Variants in ZNFX1 observed in about 807,000 individuals in gnomAD.
The protein encoded by ZNFX1 is zinc finger NFX1-type containing 1, also known as NFX1-type zinc finger-containing protein 1.
In ZNFX1, 78 loss-of-function variants were observed where a neutral mutation model predicts 179.8. That is an observed-to-expected ratio of 0.43 (90% CI 0.36 to 0.52). The LOEUF is 0.52. ZNFX1 is among the 20% of genes least tolerant of loss of function. The pLI is 0.00. For synonymous variants in ZNFX1, 848 were observed against 868.5 expected (o/e 0.98, Z 0.42); for missense variants, 1,927 against 2,386.6 (o/e 0.81, Z 4.01).
chr20:49,253,477 G>A (rs1016463835), intron 11 of ZNFX1, among the ~76,000 whole-genome samples, 189 bp downstream of exon 11: 3 of 152,168 alleles, frequency 2.0e-5, no homozygotes, highest in African/African-American at 7.2e-5. Flanking sequence ...AATAAATGAC[G>A]TTGCCACTAA....
In ZNFX1 at chr20:49,271,237, C is replaced by T. The variant is rs532898978; in HGVS notation, c.575G>A (p.Arg192Gln). Residue 192 changes from arginine to glutamine, a missense_variant, in exon 3 of 14, where the codon CGG (arginine) becomes CAG (glutamine). Coordinates refer to ENST00000396105, the MANE Select transcript of ZNFX1 (RefSeq NM_021035.3). ...ATCCATTTTGGAGCTACAAGCCTTC[C>T]GAAGAACCTGACAGATGAGCTCAAG... ...NFLELICQVL[R>Q]KACSSKMDRQ... 26 of 1,613,954 alleles carry T rather than the reference C, an allele frequency of 1.6e-5. No individual in the cohort carries two copies. In the Admixed American group the frequency reaches 2.2e-4, roughly 13 times the overall value.
chr20:49,246,860 C>G lies in ZNFX1; in HGVS notation c.*407G>C. 2.3e-6 allele frequency: 1 copy of G among 427,690 alleles called. No individual in the cohort carries two copies. Among genetic ancestry groups the G allele is most frequent in the Non-Finnish European group, 4.6e-6 (1 of 216,840 alleles). 26.5% of individuals were successfully genotyped at this position (427,690 alleles called of 1,614,324 possible). ...GTGGATCCTTAAGTAGGTGCTAAGACTAAAAAGAATGATTTTTTTTTTTTT... is the reference window on the plus strand; with the variant it reads ...GTGGATCCTTAAGTAGGTGCTAAGAGTAAAAAGAATGATTTTTTTTTTTTT... On this transcript the variant is annotated 3_prime_UTR_variant, in exon 14 of 14. Coordinates refer to ENST00000396105, the MANE Select transcript of ZNFX1 (RefSeq NM_021035.3).
chr20:49,255,666 T>C (rs1488711509), intron 9 of ZNFX1, 142 bp downstream of exon 9: 10 of 903,952 alleles, frequency 1.1e-5, no homozygotes, highest in Middle Eastern at 2.5e-4. Flanking sequence ...TTCTATCCCA[T>C]GGCTGTATCC....
intron 3 of ZNFX1, among the ~76,000 whole-genome samples, chr20:49,266,864 CATTA>C (rs1206194371): frequency 1.3e-5 from 2 of 151,896 alleles, no homozygotes; most frequent in East Asian, 1.9e-4. Flanking sequence ...AGTAAATGGC[CATTA>C]ATTAATTAAT....
intron 7 of ZNFX1, among the ~76,000 whole-genome samples, chr20:49,259,121 AATAAAT>A (rs747828111): frequency 1.9e-4 from 28 of 146,274 alleles, no homozygotes; most frequent in South Asian, 2.1e-4. Context: ...AAAAAAAATA[AATAAAT>A]AAATAAATAA....
chr20:49,277,456 TGTA>T (rs1189943308), intron 1 of ZNFX1, among the ~76,000 whole-genome samples: 2 of 130,318 alleles, frequency 1.5e-5, no homozygotes, highest in Non-Finnish European at 3.2e-5. Context: ...CGAGGTGCTC[TGTA>T]GAAGAGGGGG....
At chr20:49,276,601 G>A (rs1385097294) in intron 1 of ZNFX1, among the ~76,000 whole-genome samples, 1 of 152,228 alleles carries the variant, frequency 6.6e-6, no homozygotes, top group East Asian at 1.9e-4. Context: ...GGTCCTGTAA[G>A]AGGAAGAGGA....
rs777102939 is a variant in ZNFX1, at chr20:49,248,817, T to C, written c.4207A>G (p.Thr1403Ala). ...DCVQLCSEMVTIKLKCGHSQP... is the reference protein window; with the variant it reads ...DCVQLCSEMVAIKLKCGHSQP... ...CTGTGCCCACACTTGAGTTTTATGG[T>C]GACCATTTCTGAACACAGCTGCACA... The change falls in exon 14 of 14, where the codon ACC becomes GCC. Residue 1403 changes from threonine (T) to alanine (A), a missense_variant. Thr to Ala is a moderately conservative substitution (Grantham distance 58). Transcript: ENST00000396105. This position sits in a 1 kb window ranked among gnomAD's most constrained non-coding sequence, Gnocchi z 4.6. 6.2e-7 allele frequency: 1 copy of C among 1,613,272 alleles called. No homozygotes were observed. The highest frequency in any genetic ancestry group is 1.3e-5 in the African/African-American group (1 of 74,922).
chr20:49,266,262 T>C lies in ZNFX1; in HGVS notation c.1875A>G (p.Lys625=). 6.3e-7 allele frequency: 1 copy of C among 1,587,882 alleles called. No homozygotes were observed. The highest frequency in any genetic ancestry group is 8.5e-7 in the Non-Finnish European group (1 of 1,170,766). Residue 625 remains lysine (K), a synonymous_variant, in exon 4 of 14, where the codon AAA becomes AAG. Coordinates refer to ENST00000396105, the MANE Select transcript of ZNFX1 (RefSeq NM_021035.3). ...AIIQGPPGTG[K]TYVGLKIVQA... ...GAACAATTTTTAGACCCACATAGGT[T>C]TTGCCTAGAAAATAAGGAAAAAGGA...
chr20:49,267,006 C>G lies in ZNFX1; in HGVS notation c.1871-740G>C, dbSNP rs1358858680. 3.3e-5 allele frequency among the ~76,000 whole-genome samples: 5 copies of G among 152,298 alleles called. No homozygotes were observed. The South Asian group carries it at 6.2e-4, about 19-fold the overall frequency. On this transcript the variant is annotated intron_variant, in intron 3 of 13. Transcript: ENST00000396105. ...CTGCCTCCCGGGTTCAAGTGATTCT[C>G]CTGCCTCAGCCTCCCAAGTAGCTGG...
chr20:49,270,008 G>C lies in ZNFX1; in HGVS notation c.1804C>G (p.Gln602Glu). 12 of 1,614,140 alleles carry C rather than the reference G, an allele frequency of 7.4e-6. 1 individual carries two copies. Among genetic ancestry groups the C allele is most frequent in the Non-Finnish European group, 1.0e-5 (12 of 1,180,008 alleles). ...AGAGCAAACTGCAAGGCTTCCATCTGGGAGTCATCCAGCTTCAGGGCTTCT... is the reference window on the plus strand; with the variant it reads ...AGAGCAAACTGCAAGGCTTCCATCTCGGAGTCATCCAGCTTCAGGGCTTCT... ...SKEALKLDDS[Q>E]MEALQFALTR... The change falls in exon 3 of 14, where the codon CAG becomes GAG. Residue 602 changes from glutamine (Q) to glutamate (E), a missense_variant. Coordinates refer to ENST00000396105, the MANE Select transcript of ZNFX1 (RefSeq NM_021035.3). This position sits in a 1 kb window ranked among gnomAD's most constrained non-coding sequence, Gnocchi z 4.6.
chr20:49,271,602 A>G lies in ZNFX1; in HGVS notation c.210T>C (p.Phe70=), dbSNP rs772191501. 6.2e-7 allele frequency: 1 copy of G among 1,613,978 alleles called. No individual in the cohort carries two copies. The highest frequency in any genetic ancestry group is 1.3e-5 in the African/African-American group (1 of 74,972). ...GATGTGGGTTCCTGCCCATGGCCCT[A>G]AATCTCTCTTCCCTCTGCCAGTAAG... ...PAAYWQREER[F]RAMGRNPHQG... Residue 70 remains phenylalanine (F), a synonymous_variant, in exon 3 of 14, where the codon TTT becomes TTC. Transcript: ENST00000396105.
chr20:49,275,949 C>G, intron 1 of ZNFX1, 62 bp from the exon 2 acceptor site: 1 of 1,032,568 alleles, frequency 9.7e-7, no homozygotes, highest in Non-Finnish European at 1.5e-6. Context: ...AACCCAAACA[C>G]CATCAAGCCA....
Position 49,246,924 on chromosome 20 carries a change from A to G in ZNFX1, c.*343T>C, listed in dbSNP as rs1193783575. 3 of 466,992 alleles carry G rather than the reference A, an allele frequency of 6.4e-6. No individual in the cohort carries two copies. In the Admixed American group the frequency reaches 7.1e-5, roughly 11 times the overall value. 28.9% of individuals were successfully genotyped at this position (466,992 alleles called of 1,614,324 possible). A position where few individuals can be genotyped will look rare whatever the true frequency, so the allele number is the denominator to read the frequency against. On this transcript the variant is annotated 3_prime_UTR_variant, in exon 14 of 14. Transcript: ENST00000396105. ...GCTCCTGTCGCCCAGACTGGAGTGC[A>G]ATGGCATGATCTCAGCTCACTGCAA...
At chr20:49,272,408 A>C (rs1256833537) in intron 2 of ZNFX1, among the ~76,000 whole-genome samples, 2 of 151,978 alleles carry the variant, frequency 1.3e-5, no homozygotes, top group Admixed American at 1.3e-4. Context: ...AACTCCTGAC[A>C]TTGTGATCCA....
chr20:49,268,127 A>C (rs1004111790), intron 3 of ZNFX1, among the ~76,000 whole-genome samples: 2 of 152,024 alleles, frequency 1.3e-5, no homozygotes, highest in African/African-American at 4.8e-5. Flanking sequence ...CACCCGCCTC[A>C]GCCTCCCAAA....
Position 49,270,040 on chromosome 20 carries a change from G to A in ZNFX1, c.1772C>T (p.Pro591Leu). ...ATCCAGCTTCAGGGCTTCTTTTGAG[G>A]GCCACTGGCCAGGATCTAAGACATT... ...RINVLDPGQW[P>L]SKEALKLDDS... Residue 591 changes from proline (P) to leucine (L), a missense_variant, in exon 3 of 14, where the codon CCC becomes CTC. Physicochemically the swap from Pro to Leu is moderately conservative, Grantham distance 98. Coordinates refer to ENST00000396105, the MANE Select transcript of ZNFX1 (RefSeq NM_021035.3). This position sits in a 1 kb window ranked among gnomAD's most constrained non-coding sequence, Gnocchi z 4.6. 2 of 1,614,146 alleles carry A rather than the reference G, an allele frequency of 1.2e-6. No homozygotes were observed. The highest frequency in any genetic ancestry group is 1.7e-6 in the Non-Finnish European group (2 of 1,180,012).
rs1980792676 is a variant in ZNFX1 at position 49,249,783 on chromosome 20, T to G, written c.3313-72A>C. Reference sequence around the variant, plus strand: ...TTGTTTTTTTCTTCCTCTCTTGACATGCACTGGCCACTTACTCTGCTCCAG... The same window carrying G: ...TTGTTTTTTTCTTCCTCTCTTGACAGGCACTGGCCACTTACTCTGCTCCAG... On this transcript the variant is annotated intron_variant, in intron 13 of 13. Coordinates refer to ENST00000396105, the MANE Select transcript of ZNFX1 (RefSeq NM_021035.3). 2.0e-6 allele frequency: 3 copies of G among 1,504,398 alleles called. No homozygotes were observed. The African/African-American group carries it at 4.2e-5, about 21-fold the overall frequency. 93.2% of individuals were successfully genotyped at this position (1,504,398 alleles called of 1,614,324 possible).
Position 49,270,301 on chromosome 20 carries a change from A to T in ZNFX1, c.1511T>A (p.Leu504His). ...AAAGTATGCAGTTGTCTCTACCATGAGGAAAGAGTCAGAGGGCTGGACCTC... is the reference window on the plus strand; with the variant it reads ...AAAGTATGCAGTTGTCTCTACCATGTGGAAAGAGTCAGAGGGCTGGACCTC... ...LAEVQPSDSF[L>H]MVETTAYFEA... is the part of the protein sequence containing the mutation. Residue 504 changes from leucine (L) to histidine (H), a missense_variant, in exon 3 of 14, where the codon CTC (leucine) becomes CAC (histidine). By Grantham distance (99) the Leu-to-His change is moderately conservative. Transcript: ENST00000396105. The surrounding 1 kb of genome is among the most constrained non-coding windows in gnomAD (Gnocchi z 4.6). 2 of 1,614,072 alleles carry T rather than the reference A, an allele frequency of 1.2e-6. No individual in the cohort carries two copies. The highest frequency in any genetic ancestry group is 1.7e-6 in the Non-Finnish European group (2 of 1,180,002).
Sources: gnomAD v4.1 joint callset for allele counts (sites outside exome capture counted in the v4.1 genomes callset) on GRCh38, gnomAD v4.1.1 for gene constraint, Gnocchi (gnomAD v3.1) non-coding constraint, MANE v1.5 for transcripts, NCBI Gene and HGNC (gene_info 2026-07-23, HGNC 2026-07-21) for gene names.